Variants in DAB2IP observed in about 807,000 individuals in gnomAD.
DAB2IP encodes DAB2 interacting protein.
Under a neutral mutation model 107.2 loss-of-function variants are expected in DAB2IP, and 28 were observed. That is an observed-to-expected ratio of 0.26 (90% CI 0.19 to 0.36). DAB2IP has a LOEUF of 0.36. Among genes scored for constraint, DAB2IP ranks in the 10% least tolerant of loss-of-function variants. The pLI is 1.00. For synonymous variants in DAB2IP, 755 were observed against 706.4 expected (o/e 1.07, Z -1.09); for missense variants, 1,400 against 1,644.7 (o/e 0.85, Z 2.57).
At chr9:121,592,476 C>A (rs1333169083) in intron 1 of DAB2IP, among the ~76,000 whole-genome samples, 1 of 152,182 alleles carries the variant, frequency 6.6e-6, no homozygotes, top group Non-Finnish European at 1.5e-5. Flanking sequence ...GTCCATGTCA[C>A]CAGGATAATA....
intron 1 of DAB2IP, among the ~76,000 whole-genome samples, chr9:121,638,272 T>C (rs1423218656): frequency 1.3e-5 from 2 of 152,232 alleles, no homozygotes; most frequent in African/African-American, 4.8e-5. Context: ...AGCATTTACA[T>C]TGTATTAGCT....
At chr9:121,625,043 G>A (rs1163201668) in intron 1 of DAB2IP, among the ~76,000 whole-genome samples, 1 of 152,226 alleles carries the variant, frequency 6.6e-6, no homozygotes, top group Admixed American at 6.5e-5. Context: ...GAGATGGGGA[G>A]GGAGGGGCCC....
At chr9:121,593,269 T>G (rs941607270) in intron 1 of DAB2IP, among the ~76,000 whole-genome samples, 7 of 152,116 alleles carry the variant, frequency 4.6e-5, no homozygotes, top group African/African-American at 1.7e-4. Flanking sequence ...AATTTTGTTG[T>G]TGTTGTTGTA....
chr9:121,691,883 C>G (rs1564159589), intron 2 of DAB2IP, among the ~76,000 whole-genome samples: 2 of 152,190 alleles, frequency 1.3e-5, no homozygotes, highest in Middle Eastern at 3.2e-3. Context: ...ATGTTTAGGG[C>G]AGGAAGCTTC....
At chr9:121,695,553 G>A (rs1184761691) in intron 2 of DAB2IP, among the ~76,000 whole-genome samples, 2 of 152,228 alleles carry the variant, frequency 1.3e-5, no homozygotes, top group African/African-American at 4.8e-5. Context: ...CAAGCGATGT[G>A]AGGGGGCTAG....
chr9:121,619,856 G>A (rs1049936110), intron 1 of DAB2IP, among the ~76,000 whole-genome samples: 34 of 152,244 alleles, frequency 2.2e-4, no homozygotes, highest in African/African-American at 7.7e-4. Context: ...CTCATTCATC[G>A]CTAAGGCCTC....
intron 9 of DAB2IP, 40 bp downstream of exon 9, chr9:121,766,770 C>G (rs754439612): frequency 6.2e-7 from 1 of 1,601,836 alleles, no homozygotes; most frequent in Admixed American, 1.7e-5. Flanking sequence ...TTGGGCAGGG[C>G]TGGTGTCCAC....
chr9:121,760,343 G>A lies in DAB2IP; in HGVS notation c.1074G>A (p.Gly358=), dbSNP rs143033667. The A allele has an allele frequency of 1.4e-5, 23 of 1,613,056 alleles. No homozygotes were observed. In the Admixed American group the frequency reaches 1.5e-4, roughly 11 times the overall value. ...AGCACATCACCAACCACTACCTGGG[G>A]CTGTGTGCAGCCCTCGAGCCCATCC... The change falls in exon 6 of 16, where the codon GGG becomes GGA. Residue 358 remains glycine (G), a synonymous_variant. Transcript: ENST00000408936. The surrounding 1 kb of genome is among the most constrained non-coding windows in gnomAD (Gnocchi z 5.9).
At chr9:121,716,862 C>T (rs1270981777) in intron 3 of DAB2IP, among the ~76,000 whole-genome samples, 2 of 152,234 alleles carry the variant, frequency 1.3e-5, no homozygotes, top group Non-Finnish European at 2.9e-5. Context: ...TCACTCTTCC[C>T]GCTAAGTCAA....
At chr9:121,757,262 C>A in intron 4 of DAB2IP, 96 bp downstream of exon 4, 1 of 1,482,176 alleles carries the variant, frequency 6.7e-7, no homozygotes, top group Non-Finnish European at 9.0e-7. Flanking sequence ...TCTGCTGTGG[C>A]CTCAGCAGGG....
chr9:121,654,461 T>TA (rs1292006766), intron 1 of DAB2IP, among the ~76,000 whole-genome samples: 15 of 152,006 alleles, frequency 9.9e-5, no homozygotes, highest in Admixed American at 2.6e-4. Context: ...TTTGTTTTTT[T>TA]AAAAAAAGAA....
chr9:121,783,609 G>A (rs1835811156), exon 16 of DAB2IP: 4 of 1,593,594 alleles, frequency 2.5e-6, no homozygotes, highest in Non-Finnish European at 3.4e-6. Context: ...CGTGCGCACT[G>A]CATGGGAAAT....
At chr9:121,773,443 C>A (rs965971785) in exon 12 of DAB2IP, 1 of 1,545,296 alleles carries the variant, frequency 6.5e-7, no homozygotes, top group Non-Finnish European at 8.7e-7. Flanking sequence ...CAGCAGTCCT[C>A]TTCCTCCAAG....
chr9:121,645,965 G>A (rs1832521942), intron 1 of DAB2IP, among the ~76,000 whole-genome samples: 1 of 152,142 alleles, frequency 6.6e-6, no homozygotes, highest in South Asian at 2.1e-4. Context: ...GGAAACCTGA[G>A]ACCCAGAGGT....
At chr9:121,677,954 G>A (rs1019666513) in intron 1 of DAB2IP, among the ~76,000 whole-genome samples, 2 of 152,080 alleles carry the variant, frequency 1.3e-5, no homozygotes, top group Non-Finnish European at 2.9e-5. Flanking sequence ...GAGCCACTGT[G>A]CCAGGCCTTT....
Position 121,760,450 on chromosome 9 carries a change from G to T in DAB2IP, c.1170+11G>T. 2 of 1,576,096 alleles carry T rather than the reference G, an allele frequency of 1.3e-6. No individual in the cohort carries two copies. Among genetic ancestry groups the T allele is most frequent in the East Asian group, 2.3e-5 (1 of 44,258 alleles). ...ACGGGCAAGGTGAAGGTGCGTGCAGGCCCCTCGGCTCCTGACACAGGCTGG... is the reference window on the plus strand; with the variant it reads ...ACGGGCAAGGTGAAGGTGCGTGCAGTCCCCTCGGCTCCTGACACAGGCTGG... On this transcript the variant is annotated intron_variant, in intron 6 of 15. Transcript: ENST00000408936. This position sits in a 1 kb window ranked among gnomAD's most constrained non-coding sequence, Gnocchi z 5.9.
intron 3 of DAB2IP, among the ~76,000 whole-genome samples, chr9:121,732,884 A>G (rs1326516205): frequency 6.6e-6 from 1 of 152,142 alleles, no homozygotes; most frequent in African/African-American, 2.4e-5. Context: ...TAAAATACCT[A>G]GCGCTGGGCC....
chr9:121,666,723 C>T (rs1833449431), intron 1 of DAB2IP, among the ~76,000 whole-genome samples: 1 of 151,998 alleles, frequency 6.6e-6, no homozygotes, highest in African/African-American at 2.4e-5. Flanking sequence ...ATGTAACAAA[C>T]CTGCACGTTC....
At position 121,635,642 on chromosome 9, in the gene DAB2IP, G is replaced by A. The variant is rs1832060679; in HGVS notation, c.41-43036G>A. On this transcript the variant is annotated intron_variant, in intron 1 of 16. Coordinates refer to the DAB2IP transcript ENST00000259371. The surrounding 1 kb of genome is among the most constrained non-coding windows in gnomAD (Gnocchi z 4.3). ...ACAGGAAGGAGGGGCGCTGAGATGGGAGCGAGGCCTTGGACAAGAAAGGAT... is the reference window on the plus strand; with the variant it reads ...ACAGGAAGGAGGGGCGCTGAGATGGAAGCGAGGCCTTGGACAAGAAAGGAT... 6.6e-6 allele frequency among the ~76,000 whole-genome samples: 1 copy of A among 152,252 alleles called. No individual in the cohort carries two copies. Among genetic ancestry groups the A allele is most frequent in the Admixed American group, 6.5e-5 (1 of 15,294 alleles).
Sources: gnomAD v4.1 joint callset for allele counts (sites outside exome capture counted in the v4.1 genomes callset) on GRCh38, gnomAD v4.1.1 for gene constraint, Gnocchi (gnomAD v3.1) non-coding constraint, MANE v1.5 for transcripts, NCBI Gene and HGNC (gene_info 2026-07-23, HGNC 2026-07-21) for gene names.